Variants in FOXP2 observed in about 807,000 individuals in gnomAD.
The protein encoded by FOXP2 is forkhead box P2.
FOXP2 carries 12 observed loss-of-function variants against 115.8 expected under a neutral mutation model. The observed-to-expected ratio is 0.10, with a 90% CI of 0.07 to 0.17. The LOEUF is 0.17. Ranked by LOEUF, FOXP2 falls within the 10% of genes least tolerant of loss-of-function variation. The pLI, the probability that FOXP2 is intolerant of heterozygous loss-of-function variation, is 1.00. For missense variants in FOXP2, 629 were observed against 843.5 expected (o/e 0.75, Z 3.15); for synonymous variants, 328 against 297.7 (o/e 1.10, Z -1.05).
chr7:114,271,714 A>G (rs1584597049), intron 1 of FOXP2, among the ~76,000 whole-genome samples: 1 of 117,284 alleles, frequency 8.5e-6, no homozygotes, highest in East Asian at 2.2e-4. Context: ...ATTATTTAAT[A>G]CATATGTATT....
chr7:114,466,636 T>C (rs1681890533), intron 2 of FOXP2, among the ~76,000 whole-genome samples: 1 of 152,206 alleles, frequency 6.6e-6, no homozygotes, highest in African/African-American at 2.4e-5. Flanking sequence ...ATTTGTAAGC[T>C]GTCAGGTATC....
At chr7:114,487,759 C>A (rs905466117) in intron 2 of FOXP2, among the ~76,000 whole-genome samples, 15 of 152,142 alleles carry the variant, frequency 9.9e-5, no homozygotes, top group Non-Finnish European at 1.8e-4. Context: ...CAGTTCCCAA[C>A]AAATTCCTCA....
chr7:114,654,960 G>A (rs971365186), intron 10 of FOXP2, among the ~76,000 whole-genome samples: 2 of 151,910 alleles, frequency 1.3e-5, no homozygotes, highest in South Asian at 4.1e-4. Flanking sequence ...TACTTTTTTG[G>A]TAGAGATTAT....
At chr7:114,278,694 C>A (rs1020363329) in intron 1 of FOXP2, among the ~76,000 whole-genome samples, 5 of 152,182 alleles carry the variant, frequency 3.3e-5, no homozygotes, top group African/African-American at 1.2e-4. Flanking sequence ...GAATATAAAT[C>A]TGTGAAGTAA....
chr7:114,441,914 G>A (rs977928137), intron 2 of FOXP2, among the ~76,000 whole-genome samples: 11 of 152,144 alleles, frequency 7.2e-5, no homozygotes, highest in African/African-American at 2.7e-4. Context: ...TTAGTGGGAT[G>A]TAAAATGGTG....
chr7:114,563,628 C>T (rs182437265), intron 3 of FOXP2, among the ~76,000 whole-genome samples: 94 of 152,270 alleles, frequency 6.2e-4, no homozygotes, highest in African/African-American at 1.9e-3. Flanking sequence ...AGAACTTATC[C>T]ACTCCCTGTG....
At chr7:114,652,314 G>A (rs1306807774) in intron 9 of FOXP2, 24 bp downstream of exon 9, 1 of 1,604,230 alleles carries the variant, frequency 6.2e-7, no homozygotes, top group African/African-American at 1.3e-5. Flanking sequence ...TCACTTAATG[G>A]ACTCTTCTTA....
At chr7:114,544,506 A>G (rs1799824813) in intron 3 of FOXP2, among the ~76,000 whole-genome samples, 1 of 152,236 alleles carries the variant, frequency 6.6e-6, no homozygotes, top group Admixed American at 6.5e-5. Context: ...ATTCCTTTGC[A>G]TAGTATATAA....
intron 2 of FOXP2, among the ~76,000 whole-genome samples, chr7:114,447,173 C>T (rs973955371): frequency 9.2e-5 from 14 of 152,078 alleles, no homozygotes; most frequent in African/African-American, 3.4e-4. Flanking sequence ...TCAATTCTAC[C>T]TCCTAAATAT....
upstream of FOXP2, among the ~76,000 whole-genome samples, chr7:114,411,842 G>T (rs1793170311): frequency 6.6e-6 from 1 of 152,098 alleles, no homozygotes; most frequent in African/African-American, 2.4e-5. Flanking sequence ...GGGGAAATTT[G>T]ACCTTTCATA....
intron 1 of FOXP2, among the ~76,000 whole-genome samples, chr7:114,098,013 C>A (rs1171669197): frequency 2.6e-5 from 4 of 152,202 alleles, no homozygotes; most frequent in African/African-American, 7.2e-5. Context: ...GTCTAGGAAT[C>A]TTTGTCAAGC....
intron 3 of FOXP2, among the ~76,000 whole-genome samples, chr7:114,584,585 T>C (rs980218363): frequency 6.6e-6 from 1 of 152,228 alleles, no homozygotes; most frequent in Admixed American, 6.5e-5. Flanking sequence ...TAGTCTATGC[T>C]ACTTCTCTAA....
intron 1 of FOXP2, among the ~76,000 whole-genome samples, chr7:114,221,925 C>G (rs996561581): frequency 6.6e-6 from 1 of 152,056 alleles, no homozygotes; most frequent in Non-Finnish European, 1.5e-5. Flanking sequence ...CAATTCTATT[C>G]CATCAAGCCA....
chr7:114,408,139 C>A, intron 2 of FOXP2, among the ~76,000 whole-genome samples: 1 of 152,094 alleles, frequency 6.6e-6, no homozygotes, highest in East Asian at 1.9e-4. Flanking sequence ...TATATCCTCA[C>A]ATTTTGGCAT....
At chr7:114,301,197 G>T (rs1270023174) in intron 2 of FOXP2, among the ~76,000 whole-genome samples, 1 of 151,888 alleles carries the variant, frequency 6.6e-6, no homozygotes. Flanking sequence ...TTTTCAAAAC[G>T]CTGAAAACCA....
intron 3 of FOXP2, among the ~76,000 whole-genome samples, chr7:114,564,878 C>CAAA (rs35022872): frequency 5.0e-4 from 44 of 88,126 alleles, no homozygotes; most frequent in African/African-American, 1.4e-3. Flanking sequence ...AAGGCCCTGT[C>CAAA]AAAAAAAAAA....
intron 2 of FOXP2, among the ~76,000 whole-genome samples, chr7:114,471,654 A>G (rs1440323027): frequency 6.6e-6 from 1 of 151,986 alleles, no homozygotes; most frequent in Non-Finnish European, 1.5e-5. Flanking sequence ...TTTCCTTAAG[A>G]CTTATTTTAT....
chr7:114,681,792 GT>G (rs1554444255), intron 16 of FOXP2, among the ~76,000 whole-genome samples: 1 of 152,038 alleles, frequency 6.6e-6, no homozygotes, highest in Non-Finnish European at 1.5e-5. Context: ...AATGTGACTA[GT>G]CATTAATAAC....
intron 8 of FOXP2, chr7:114,645,086 T>G (rs1341736896): frequency 1.2e-5 from 2 of 168,954 alleles, no homozygotes; most frequent in Non-Finnish European, 2.4e-5. Flanking sequence ...AATAGAATTC[T>G]CTTAAGTTTT....
Sources: allele counts gnomAD v4.1 joint callset (sites outside exome capture counted in the v4.1 genomes callset), GRCh38; gene constraint gnomAD v4.1.1; transcripts MANE v1.5; gene names NCBI Gene and HGNC (gene_info 2026-07-23, HGNC 2026-07-21).